SCHIP1: variants seen among roughly 807,000 people sequenced by gnomAD.
SCHIP1 encodes the protein schwannomin interacting protein 1.
Under a neutral mutation model 29.7 loss-of-function variants are expected in SCHIP1, and 8 were observed. The ratio of observed to expected loss-of-function variants is 0.27; its 90% CI spans 0.16 to 0.49. The LOEUF is 0.49. SCHIP1 is among the 20% of genes least tolerant of loss of function. The pLI is 0.99. For missense variants in SCHIP1, 193 were observed against 294.6 expected, an observed-to-expected ratio of 0.66 and a Z score of 2.52; for synonymous variants, 76 against 94.9, an observed-to-expected ratio of 0.80 and a Z score of 1.16.
At chr3:159,841,525 G>C (rs779150122) in intron 1 of SCHIP1, among the ~76,000 whole-genome samples, 3 of 152,160 alleles carry the variant, frequency 2.0e-5, no homozygotes, top group Non-Finnish European at 4.4e-5. Context: ...ATGGCTCCAG[G>C]TGATTGAATT....
the SCHIP1 span, among the ~76,000 whole-genome samples, chr3:159,444,673 G>C: frequency 6.6e-6 from 1 of 152,272 alleles, no homozygotes; most frequent in African/African-American, 2.4e-5. Context: ...AAGAGACAAA[G>C]TGATGAGAGA....
chr3:159,874,588 G>A (rs2109326281), intron 2 of SCHIP1, among the ~76,000 whole-genome samples: 1 of 152,266 alleles, frequency 6.6e-6, no homozygotes, highest in Middle Eastern at 3.4e-3. Flanking sequence ...GATTCACAGG[G>A]ACTTTAAAAG....
the SCHIP1 span, among the ~76,000 whole-genome samples, chr3:159,275,732 G>A: frequency 6.6e-6 from 1 of 152,142 alleles, no homozygotes; most frequent in Admixed American, 6.6e-5. Context: ...GTTTGCTTCT[G>A]TTTTGATAGC....
At chr3:159,445,508 C>G in the SCHIP1 span, among the ~76,000 whole-genome samples, 11 of 151,888 alleles carry the variant, frequency 7.2e-5, no homozygotes, top group Non-Finnish European at 1.5e-4. Flanking sequence ...ACCATTTGAC[C>G]CAGCCATCCC....
the SCHIP1 span, among the ~76,000 whole-genome samples, chr3:159,639,296 A>G: frequency 1.3e-5 from 2 of 152,038 alleles, no homozygotes; most frequent in Non-Finnish European, 2.9e-5. Flanking sequence ...TTTTCTTCTT[A>G]TTGGAAAATC....
chr3:159,544,925 G>C, the SCHIP1 span, among the ~76,000 whole-genome samples: 1 of 151,990 alleles, frequency 6.6e-6, no homozygotes, highest in African/African-American at 2.4e-5. Flanking sequence ...CCTACTTCAA[G>C]ATCATAAAAA....
At chr3:159,427,819 A>C in the SCHIP1 span, among the ~76,000 whole-genome samples, 1 of 152,192 alleles carries the variant, frequency 6.6e-6, no homozygotes, top group Non-Finnish European at 1.5e-5. Flanking sequence ...AGTAACCAAA[A>C]CAGCATGGTA....
At chr3:159,571,247 A>G in the SCHIP1 span, among the ~76,000 whole-genome samples, 2 of 152,140 alleles carry the variant, frequency 1.3e-5, no homozygotes, top group Non-Finnish European at 2.9e-5. Flanking sequence ...GTTTTTGCCC[A>G]TTCAGTATAT....
the SCHIP1 span, among the ~76,000 whole-genome samples, chr3:159,434,229 T>G: frequency 1.3e-5 from 2 of 152,168 alleles, no homozygotes; most frequent in African/African-American, 4.8e-5. Flanking sequence ...ACAGACACTA[T>G]CTTTGCTTTA....
chr3:159,840,390 A>C (rs1441464110), intron 1 of SCHIP1, among the ~76,000 whole-genome samples: 1 of 152,240 alleles, frequency 6.6e-6, no homozygotes, highest in Admixed American at 6.5e-5. Context: ...GTAATGGGGC[A>C]GAAAACACTG....
chr3:159,685,372 T>C, the SCHIP1 span, among the ~76,000 whole-genome samples: 2 of 152,340 alleles, frequency 1.3e-5, no homozygotes, highest in Admixed American at 6.5e-5. Context: ...AGGTTTTTAT[T>C]TTCTGGCTAT....
the SCHIP1 span, among the ~76,000 whole-genome samples, chr3:159,493,824 A>T: frequency 0.66 from 99,805 of 151,892 alleles, 33,055 homozygotes; most frequent in East Asian, 0.78. Flanking sequence ...ACACCACACC[A>T]ATTCCAAAAT....
the SCHIP1 span, among the ~76,000 whole-genome samples, chr3:159,350,003 ATAAT>A: frequency 2.0e-5 from 3 of 152,148 alleles, no homozygotes; most frequent in African/African-American, 7.2e-5. Flanking sequence ...CATTGTGTAA[ATAAT>A]TCTATAAAAT....
the SCHIP1 span, among the ~76,000 whole-genome samples, chr3:159,584,192 T>C: frequency 2.0e-5 from 3 of 152,206 alleles, no homozygotes; most frequent in Non-Finnish European, 4.4e-5. Context: ...AAAACCCTTT[T>C]GTTATTTAGA....
the SCHIP1 span, chr3:159,764,028 C>T: frequency 1.3e-5 from 2 of 158,564 alleles, no homozygotes; most frequent in Admixed American, 6.5e-5. This position sits in a 1 kb window ranked among gnomAD's most constrained non-coding sequence, Gnocchi z 6.1. Context: ...TTAGTAGCCG[C>T]CCACCCCCTT....
At chr3:159,764,877 G>T in the SCHIP1 span, 1 of 1,575,668 alleles carries the variant, frequency 6.3e-7, no homozygotes, top group Admixed American at 1.8e-5. This position sits in a 1 kb window ranked among gnomAD's most constrained non-coding sequence, Gnocchi z 6.1. Context: ...ATGGCAACGT[G>T]GTGGTGGCTG....
At chr3:159,622,754 TA>T in the SCHIP1 span, among the ~76,000 whole-genome samples, 5 of 152,006 alleles carry the variant, frequency 3.3e-5, no homozygotes, top group African/African-American at 1.2e-4. Context: ...CCGTCTCTAC[TA>T]AAAATACAAA....
the SCHIP1 span, among the ~76,000 whole-genome samples, chr3:159,365,194 C>T: frequency 6.6e-6 from 1 of 152,102 alleles, no homozygotes; most frequent in African/African-American, 2.4e-5. Flanking sequence ...AGGGATGTCT[C>T]CTGATATGAA....
the SCHIP1 span, among the ~76,000 whole-genome samples, chr3:159,644,690 A>G: frequency 4.7e-4 from 72 of 152,284 alleles, no homozygotes; most frequent in Admixed American, 9.8e-4. Flanking sequence ...AATGCCCATT[A>G]AATTCAAATT....
Sources: gnomAD v4.1 joint callset for allele counts (sites outside exome capture counted in the v4.1 genomes callset) on GRCh38, gnomAD v4.1.1 for gene constraint, Gnocchi (gnomAD v3.1) non-coding constraint, MANE v1.5 for transcripts, NCBI Gene and HGNC (gene_info 2026-07-23, HGNC 2026-07-21) for gene names.